The following SCARB2 variants were observed in gnomAD, a reference collection of about 807,000 sequenced individuals.
The protein encoded by SCARB2 is scavenger receptor class B member 2, also known as lysosome membrane protein 2.
A neutral mutation model predicts 58.6 loss-of-function variants in SCARB2; 29 were observed. That is an observed-to-expected ratio of 0.49 (90% CI 0.37 to 0.67). The LOEUF (loss-of-function observed/expected upper bound fraction) is 0.67. SCARB2 is among the 30% of genes least tolerant of loss of function. The pLI, the probability that SCARB2 is intolerant of heterozygous loss-of-function variation, is 0.00. For synonymous variants in SCARB2, 195 were observed against 210.1 expected (o/e 0.93, Z 0.62); for missense variants, 488 against 578.5 (o/e 0.84, Z 1.60).
rs199535552 is a variant in SCARB2 at position 76,170,667 on chromosome 4, A to G, written c.995-682T>C. Among the ~76,000 whole-genome samples, 3 of 151,902 alleles carry G rather than the reference A, an allele frequency of 2.0e-5. No individual in the cohort carries two copies. The South Asian group carries it at 6.2e-4, about 31-fold the overall frequency. On this transcript the variant is annotated intron_variant, in intron 7 of 11. Transcript: ENST00000264896. ...CAAGTAGCTGGGACTACAGGCATGC[A>G]CCACCACACCCGGATAATTTTTTTG...
At chr4:76,213,401 C>T in intron 1 of SCARB2, 26 bp downstream of exon 1, 1 of 1,451,726 alleles carries the variant, frequency 6.9e-7, no homozygotes, top group Non-Finnish European at 9.6e-7. Context: ...GACTCCACAA[C>T]ACACACACAG....
At chr4:76,200,540 C>T (rs774758249) in intron 1 of SCARB2, among the ~76,000 whole-genome samples, 5 of 152,218 alleles carry the variant, frequency 3.3e-5, no homozygotes, top group African/African-American at 4.8e-5. Flanking sequence ...TGTGCCCGGA[C>T]TATGCCCTGC....
chr4:76,216,881 T>G (rs1733217668), upstream of SCARB2, among the ~76,000 whole-genome samples: 1 of 152,238 alleles, frequency 6.6e-6, no homozygotes, highest in Non-Finnish European at 1.5e-5. Flanking sequence ...ATAATGTATG[T>G]TCCCAAAATA....
At chr4:76,219,862 T>C (rs1008908460) in intron 1 of SCARB2, among the ~76,000 whole-genome samples, 2 of 152,158 alleles carry the variant, frequency 1.3e-5, no homozygotes, top group Admixed American at 6.5e-5. Flanking sequence ...TCTGAAATGA[T>C]TACCTAGAAG....
chr4:76,205,613 G>A (rs1384841207), intron 1 of SCARB2, among the ~76,000 whole-genome samples: 1 of 152,182 alleles, frequency 6.6e-6, no homozygotes, highest in Non-Finnish European at 1.5e-5. Flanking sequence ...TTACATTAGT[G>A]TAACAATGGC....
chr4:76,199,677 T>C (rs549551305), intron 1 of SCARB2, among the ~76,000 whole-genome samples: 24 of 152,310 alleles, frequency 1.6e-4, no homozygotes, highest in African/African-American at 5.3e-4. Context: ...GGAGAAGCCA[T>C]AAGTTGGACT....
intron 9 of SCARB2, among the ~76,000 whole-genome samples, chr4:76,167,667 C>G (rs187095101): frequency 1.2e-5 from 1 of 86,708 alleles, no homozygotes; most frequent in East Asian, 4.7e-4. Flanking sequence ...CTTTCCCTCC[C>G]TCCCTCCCCC....
chr4:76,229,165 G>C (rs1169421473), intron 1 of SCARB2, among the ~76,000 whole-genome samples: 1 of 152,184 alleles, frequency 6.6e-6, no homozygotes, highest in Non-Finnish European at 1.5e-5. Flanking sequence ...ATTTTTCTAA[G>C]TGTGTCTTTG....
chr4:76,181,243 T>A, intron 2 of SCARB2, 142 bp from the exon 3 acceptor site: 1 of 820,106 alleles, frequency 1.2e-6, no homozygotes. Flanking sequence ...TACTAAGCCT[T>A]AAAAAGCTGG....
intron 4 of SCARB2, 101 bp downstream of exon 4, chr4:76,179,416 T>A: frequency 1.1e-6 from 1 of 893,700 alleles, no homozygotes; most frequent in Non-Finnish European, 1.9e-6. Flanking sequence ...ATAACTTAAC[T>A]CTAGGCAATT....
chr4:76,174,954 T>A, intron 6 of SCARB2: 1 of 154,308 alleles, frequency 6.5e-6, no homozygotes, highest in Admixed American at 6.4e-5. Flanking sequence ...CTAACCACTT[T>A]GATGTACACA....
At chr4:76,167,698 C>T (rs1258230842) in intron 9 of SCARB2, among the ~76,000 whole-genome samples, 1 of 56,542 alleles carries the variant, frequency 1.8e-5, no homozygotes, top group African/African-American at 8.3e-5. Flanking sequence ...TTTTTTTTTT[C>T]CTGAGACACA....
At chr4:76,166,481 A>G (rs1732011601) in intron 9 of SCARB2, 180 bp from the exon 10 acceptor site, 4 of 676,476 alleles carry the variant, frequency 5.9e-6, no homozygotes, top group Admixed American at 4.3e-5. Flanking sequence ...CAGTCTGTCT[A>G]GCAATTCCAT....
At position 76,226,717 on chromosome 4, in the gene SCARB2, G is replaced by C. The variant is rs571803171; in HGVS notation, c.-358+7586C>G. On this transcript the variant is annotated intron_variant, in intron 1 of 11. Transcript: ENST00000638295. ...AAGTCTCACTGCTTGTTACTGGTCTGTTCAGAGTTTCCATTTCTTCCTGAT... is the reference window on the plus strand; with the variant it reads ...AAGTCTCACTGCTTGTTACTGGTCTCTTCAGAGTTTCCATTTCTTCCTGAT... Among the ~76,000 whole-genome samples the C allele has an allele frequency of 2.0e-5, 3 of 152,252 alleles. No individual in the cohort carries two copies. In the South Asian group the frequency reaches 6.2e-4, roughly 32 times the overall value.
chr4:76,182,801 C>T (rs765020373), intron 2 of SCARB2, among the ~76,000 whole-genome samples: 5 of 152,174 alleles, frequency 3.3e-5, no homozygotes, highest in Non-Finnish European at 5.9e-5. Context: ...GAGTTATGTC[C>T]CAGTAAACCC....
At chr4:76,166,593 A>C in intron 9 of SCARB2, 2 of 494,530 alleles carry the variant, frequency 4.0e-6, no homozygotes, top group South Asian at 4.3e-5. Flanking sequence ...CGACAGAACA[A>C]AACTGTCACT....
rs150896329 is a variant in SCARB2 at position 76,225,606 on chromosome 4, G to A, written c.-358+8697C>T. Among the ~76,000 whole-genome samples, 878 of 152,266 alleles carry A rather than the reference G, an allele frequency of 5.8e-3. 11 individuals are homozygous for A. The highest frequency in any genetic ancestry group is 0.02 in the African/African-American group (830 of 41,552). ...GGGTTTTAATCATAAAGCGATGCTG[G>A]ATTTTCTCAAATGCTTTTTCTGCAT... is the stretch of plus-strand genomic sequence containing the variant. On this transcript the variant is annotated intron_variant, in intron 1 of 11. Coordinates refer to the SCARB2 transcript ENST00000638295.
chr4:76,213,121 A>T, intron 1 of SCARB2: 1 of 391,306 alleles, frequency 2.6e-6, no homozygotes, highest in Non-Finnish European at 4.9e-6. Flanking sequence ...GTTTGGGCCC[A>T]CCTGAGATTG....
At chr4:76,181,334 C>G (rs886346972) in intron 2 of SCARB2, among the ~76,000 whole-genome samples, 3 of 152,138 alleles carry the variant, frequency 2.0e-5, no homozygotes, top group African/African-American at 7.2e-5. Context: ...CTTTTCTTCC[C>G]TGATTAGGGA....
Sources: gnomAD v4.1 joint callset for allele counts (sites outside exome capture counted in the v4.1 genomes callset) on GRCh38, gnomAD v4.1.1 for gene constraint, MANE v1.5 for transcripts, NCBI Gene and HGNC (gene_info 2026-07-23, HGNC 2026-07-21) for gene names.